DNAAF9: variants seen among roughly 807,000 people sequenced by gnomAD.
DNAAF9 encodes the protein shulin.
DNAAF9 carries 90 observed loss-of-function variants against 167.0 expected under a neutral mutation model. The ratio of observed to expected loss-of-function variants is 0.54; its 90% CI spans 0.45 to 0.64. The LOEUF is 0.64. DNAAF9 is among the 30% of genes least tolerant of loss of function. The pLI is 0.00. For synonymous variants in DNAAF9, 491 were observed against 508.8 expected, an observed-to-expected ratio of 0.96 and a Z score of 0.47; for missense variants, 1,315 against 1,442.2, an observed-to-expected ratio of 0.91 and a Z score of 1.43.
intron 7 of DNAAF9, among the ~76,000 whole-genome samples, chr20:3,352,443 C>CTTT (rs1352345963): frequency 1.3e-5 from 2 of 152,194 alleles, no homozygotes; most frequent in Non-Finnish European, 2.9e-5. Flanking sequence ...CCAACTAACA[C>CTTT]TTTAACCACA....
At chr20:3,282,167 C>T (rs1704881370) in intron 27 of DNAAF9, among the ~76,000 whole-genome samples, 1 of 152,140 alleles carries the variant, frequency 6.6e-6, no homozygotes, top group Non-Finnish European at 1.5e-5. Flanking sequence ...AACACACAGG[C>T]AAGAGAGTGC....
At chr20:3,299,500 T>C (rs2069145091) in intron 21 of DNAAF9, among the ~76,000 whole-genome samples, 1 of 151,266 alleles carries the variant, frequency 6.6e-6, no homozygotes, top group Non-Finnish European at 1.5e-5. Context: ...TTAGTAGAGA[T>C]GGGGTTTTGC....
chr20:3,287,033 A>C (rs2068863654), intron 27 of DNAAF9, among the ~76,000 whole-genome samples: 1 of 152,226 alleles, frequency 6.6e-6, no homozygotes, highest in Non-Finnish European at 1.5e-5. Context: ...CCCCTGGAGC[A>C]GTGGTACAAG....
chr20:3,343,878 T>G, intron 8 of DNAAF9, 147 bp from the exon 9 acceptor site: 1 of 531,118 alleles, frequency 1.9e-6, no homozygotes, highest in Non-Finnish European at 3.3e-6. Flanking sequence ...CATGTGCGTG[T>G]GTGTGACAGA....
At chr20:3,257,307 T>C (rs2068298459) in intron 33 of DNAAF9, among the ~76,000 whole-genome samples, 1 of 151,702 alleles carries the variant, frequency 6.6e-6, no homozygotes, top group African/African-American at 2.4e-5. Flanking sequence ...GCCCGGGAAT[T>C]CGAGACCAGC....
Position 3,336,169 on chromosome 20 carries a change from A to G in DNAAF9, c.982-3808T>C, listed in dbSNP as rs554835871. Among the ~76,000 whole-genome samples, 38 of 148,916 alleles carry G rather than the reference A, an allele frequency of 2.6e-4. 1 individual carries two copies. In the East Asian group the frequency reaches 7.5e-3, roughly 30 times the overall value. On this transcript the variant is annotated intron_variant, in intron 10 of 36. Transcript: ENST00000252032. ...TGTAGTTTTCAACAATTTGACTTTG[A>G]TGTGTATTGGTGTGGGTATTTTGGG...
At chr20:3,305,694 T>C (rs1305570171) in intron 20 of DNAAF9, among the ~76,000 whole-genome samples, 2 of 152,098 alleles carry the variant, frequency 1.3e-5, no homozygotes, top group East Asian at 1.9e-4. Flanking sequence ...AGTTAGTATG[T>C]GTTCACAGGG....
At chr20:3,405,740 T>C (rs2084045884) in intron 1 of DNAAF9, among the ~76,000 whole-genome samples, 1 of 152,190 alleles carries the variant, frequency 6.6e-6, no homozygotes, top group South Asian at 2.1e-4. Context: ...AAGAGACAGA[T>C]TCTAAGGTAG....
chr20:3,287,871 AC>A, intron 26 of DNAAF9, 81 bp from the exon 27 acceptor site: 1 of 1,259,336 alleles, frequency 7.9e-7, no homozygotes, highest in Non-Finnish European at 1.2e-6. Context: ...TTCAAATGTG[AC>A]CATGAGTCCT....
At chr20:3,322,827 A>G (rs2069640817) in intron 14 of DNAAF9, 131 bp from the exon 15 acceptor site, 1 of 761,660 alleles carries the variant, frequency 1.3e-6, no homozygotes, top group South Asian at 1.4e-5. Context: ...ACACAGATTT[A>G]CCCTATTTTG....
intron 10 of DNAAF9, among the ~76,000 whole-genome samples, chr20:3,334,876 T>C (rs1156643693): frequency 6.6e-6 from 1 of 152,204 alleles, no homozygotes; most frequent in African/African-American, 2.4e-5. Context: ...GGTTCAAACA[T>C]TTCCTAGCTG....
intron 12 of DNAAF9, among the ~76,000 whole-genome samples, chr20:3,329,281 C>A (rs897034260): frequency 6.6e-6 from 1 of 152,192 alleles, no homozygotes; most frequent in African/African-American, 2.4e-5. Flanking sequence ...GATCCTCCTG[C>A]CTCAGCCTCC....
chr20:3,287,539 G>A, intron 27 of DNAAF9, 93 bp downstream of exon 27: 1 of 1,218,880 alleles, frequency 8.2e-7, no homozygotes, highest in Non-Finnish European at 1.2e-6. Flanking sequence ...TGTAGAGTCT[G>A]TTCTGTGCTC....
At chr20:3,293,996 C>T in intron 25 of DNAAF9, 143 bp downstream of exon 25, 3 of 631,242 alleles carry the variant, frequency 4.8e-6, no homozygotes, top group Non-Finnish European at 8.5e-6. Context: ...GTTATCATTA[C>T]ATTTCAGGAT....
chr20:3,327,806 C>T lies in DNAAF9; in HGVS notation c.1101-1522G>A, dbSNP rs1486798158. On this transcript the variant is annotated intron_variant, in intron 12 of 36. Coordinates refer to ENST00000252032, the MANE Select transcript of DNAAF9 (RefSeq NM_001009984.3). ...CATTGCCACCTCCTTCAATTTCCTC[C>T]TTGGCTCCTGCACCACATGCAGGAC... Among the ~76,000 whole-genome samples the T allele has an allele frequency of 4.6e-5, 7 of 152,282 alleles. No individual in the cohort carries two copies. In the East Asian group the frequency reaches 1.2e-3, roughly 25 times the overall value.
Position 3,324,519 on chromosome 20 carries a change from C to T in DNAAF9, c.1265+373G>A, listed in dbSNP as rs559433694. 2.0e-5 allele frequency among the ~76,000 whole-genome samples: 3 copies of T among 152,212 alleles called. No homozygotes were observed. The East Asian group carries it at 5.8e-4, about 29-fold the overall frequency. ...TTCAAGAGACAGATGAGGCCCAGTGCAAGTTTCTTCTAAGCAGTGACTATC... is the reference window on the plus strand; with the variant it reads ...TTCAAGAGACAGATGAGGCCCAGTGTAAGTTTCTTCTAAGCAGTGACTATC... On this transcript the variant is annotated intron_variant, in intron 14 of 36. Transcript: ENST00000252032.
chr20:3,404,017 A>G (rs2084022882), intron 1 of DNAAF9, among the ~76,000 whole-genome samples: 1 of 151,912 alleles, frequency 6.6e-6, no homozygotes, highest in Non-Finnish European at 1.5e-5. Flanking sequence ...ATCGAATCTA[A>G]TTGTCTATTA....
intron 14 of DNAAF9, among the ~76,000 whole-genome samples, chr20:3,324,593 C>T (rs2236122): frequency 0.19 from 28,926 of 152,164 alleles, 2,926 homozygotes; most frequent in African/African-American, 0.22. Flanking sequence ...CATTCAGGTA[C>T]CCAGCTTTGC....
intron 11 of DNAAF9, among the ~76,000 whole-genome samples, chr20:3,331,573 G>A (rs964099957): frequency 1.3e-5 from 2 of 152,132 alleles, no homozygotes; most frequent in Admixed American, 6.6e-5. Flanking sequence ...CTGCTCCTAA[G>A]TACCCTTTTA....
Sources: allele counts gnomAD v4.1 joint callset (sites outside exome capture counted in the v4.1 genomes callset), GRCh38; gene constraint gnomAD v4.1.1; transcripts MANE v1.5; gene names NCBI Gene and HGNC (gene_info 2026-07-23, HGNC 2026-07-21).